Variants in VDAC1 observed in about 807,000 individuals in gnomAD.
VDAC1 encodes the protein non-selective voltage-gated ion channel VDAC1.
A neutral mutation model predicts 34.7 loss-of-function variants in VDAC1; 10 were observed. The observed-to-expected ratio is 0.29, with a 90% CI of 0.18 to 0.49. The LOEUF is 0.49. Ranked by LOEUF, VDAC1 falls within the 20% of genes least tolerant of loss-of-function variation. VDAC1 has a pLI of 0.99. For missense variants in VDAC1, 230 were observed against 347.9 expected (o/e 0.66, Z 2.69); for synonymous variants, 130 against 136.0 (o/e 0.96, Z 0.30).
chr5:133,985,867 T>C (rs1467155045), intron 5 of VDAC1, among the ~76,000 whole-genome samples: 1 of 152,198 alleles, frequency 6.6e-6, no homozygotes, highest in Non-Finnish European at 1.5e-5. Flanking sequence ...CTGCTGATGA[T>C]CACAAACTAT....
chr5:134,017,261 G>A, the VDAC1 span, among the ~76,000 whole-genome samples: 1 of 152,100 alleles, frequency 6.6e-6, no homozygotes, highest in African/African-American at 2.4e-5. Flanking sequence ...GAGGTCAGGA[G>A]TTCGAGACCA....
chr5:133,984,781 C>T (rs946672837), intron 5 of VDAC1, among the ~76,000 whole-genome samples: 7 of 151,928 alleles, frequency 4.6e-5, no homozygotes, highest in Non-Finnish European at 7.4e-5. Flanking sequence ...ACTAAAAATA[C>T]AAAAATTAGC....
the VDAC1 span, among the ~76,000 whole-genome samples, chr5:134,088,976 CCTT>C: frequency 6.6e-6 from 1 of 152,218 alleles, no homozygotes; most frequent in Non-Finnish European, 1.5e-5. Context: ...AGCCATGGTT[CCTT>C]CATCATCATG....
At chr5:134,065,505 C>A in the VDAC1 span, among the ~76,000 whole-genome samples, 2 of 151,170 alleles carry the variant, frequency 1.3e-5, no homozygotes, top group Admixed American at 6.6e-5. Context: ...CACACCCAGC[C>A]AATTTTTGTA....
chr5:134,027,037 G>A, the VDAC1 span, among the ~76,000 whole-genome samples: 1 of 152,198 alleles, frequency 6.6e-6, no homozygotes, highest in Non-Finnish European at 1.5e-5. Flanking sequence ...TAACTTCACA[G>A]CTTTGGGGAA....
At chr5:134,013,868 G>A in the VDAC1 span, among the ~76,000 whole-genome samples, 1 of 152,086 alleles carries the variant, frequency 6.6e-6, no homozygotes, top group African/African-American at 2.4e-5. Context: ...CTTGAATCCG[G>A]GAGGCGGAGG....
chr5:134,108,231 A>T, the VDAC1 span, among the ~76,000 whole-genome samples: 1 of 150,432 alleles, frequency 6.6e-6, no homozygotes, highest in African/African-American at 2.5e-5. Flanking sequence ...GTCCGTCCCC[A>T]CTCCCAACCC....
the VDAC1 span, among the ~76,000 whole-genome samples, chr5:134,077,115 A>G: frequency 6.6e-6 from 1 of 151,978 alleles, no homozygotes; most frequent in Admixed American, 6.6e-5. Context: ...CGTCTCTATT[A>G]AAAATACAAA....
chr5:133,995,518 G>A (rs911254411), intron 1 of VDAC1, among the ~76,000 whole-genome samples: 2 of 152,078 alleles, frequency 1.3e-5, no homozygotes, highest in Non-Finnish European at 2.9e-5. Flanking sequence ...CTGGCTGAAT[G>A]GAGTCAAGTC....
the VDAC1 span, among the ~76,000 whole-genome samples, chr5:134,102,394 C>T: frequency 8.0e-4 from 116 of 144,682 alleles, 1 homozygote; most frequent in Middle Eastern, 3.5e-3. Context: ...TTAGGCCTGG[C>T]GCGGTGGCTC....
At chr5:134,039,379 A>G in the VDAC1 span, among the ~76,000 whole-genome samples, 1 of 152,110 alleles carries the variant, frequency 6.6e-6, no homozygotes, top group East Asian at 1.9e-4. Flanking sequence ...CCCAGGCTGG[A>G]GTGCAGTGGC....
chr5:134,017,271 A>C, the VDAC1 span, among the ~76,000 whole-genome samples: 110 of 151,998 alleles, frequency 7.2e-4, no homozygotes, highest in African/African-American at 2.3e-3. Flanking sequence ...GTTCGAGACC[A>C]GCCTGACCAA....
intron 5 of VDAC1, among the ~76,000 whole-genome samples, chr5:133,986,426 T>C (rs1752908957): frequency 6.6e-6 from 1 of 152,090 alleles, no homozygotes. Context: ...AGATGGAGTC[T>C]TGCTCTGTCG....
At chr5:134,104,758 T>A in the VDAC1 span, among the ~76,000 whole-genome samples, 1 of 152,096 alleles carries the variant, frequency 6.6e-6, no homozygotes, top group Non-Finnish European at 1.5e-5. Flanking sequence ...AACAGAGCAG[T>A]GAACAAAGAC....
At chr5:134,090,683 C>A in the VDAC1 span, among the ~76,000 whole-genome samples, 1 of 152,222 alleles carries the variant, frequency 6.6e-6, no homozygotes, top group Non-Finnish European at 1.5e-5. Context: ...CAGCCCCACC[C>A]CCTGCCACTG....
At chr5:134,091,476 G>A in the VDAC1 span, among the ~76,000 whole-genome samples, 2 of 152,134 alleles carry the variant, frequency 1.3e-5, no homozygotes, top group East Asian at 1.9e-4. Context: ...GAAGGATGTC[G>A]ATCGATGGGG....
At chr5:134,070,333 G>C in the VDAC1 span, among the ~76,000 whole-genome samples, 1 of 151,992 alleles carries the variant, frequency 6.6e-6, no homozygotes, top group South Asian at 2.1e-4. Context: ...GGTAGAGATG[G>C]GGTTTCATCC....
At chr5:133,996,790 A>G (rs1379186498) in intron 1 of VDAC1, among the ~76,000 whole-genome samples, 1 of 152,208 alleles carries the variant, frequency 6.6e-6, no homozygotes, top group African/African-American at 2.4e-5. Context: ...GAATCTGACA[A>G]TAGGAACTCA....
At chr5:134,040,610 T>C in the VDAC1 span, among the ~76,000 whole-genome samples, 1 of 151,260 alleles carries the variant, frequency 6.6e-6, no homozygotes, top group African/African-American at 2.4e-5. Flanking sequence ...TGGTGCCACG[T>C]GCCTGTGGAG....
Sources: allele counts gnomAD v4.1 joint callset (sites outside exome capture counted in the v4.1 genomes callset), GRCh38; gene constraint gnomAD v4.1.1; transcripts MANE v1.5; gene names NCBI Gene and HGNC (gene_info 2026-07-23, HGNC 2026-07-21).